The following SLC38A6 variants were observed in gnomAD, a reference collection of about 807,000 sequenced individuals.
SLC38A6 encodes N system amino acid transporter NAT-1.
SLC38A6 carries 73 observed loss-of-function variants against 65.0 expected under a neutral mutation model. The observed-to-expected ratio is 1.12, with a 90% confidence interval of 0.93 to 1.37. SLC38A6 has a LOEUF of 1.37. SLC38A6 is among the 40% of genes most tolerant of loss of function. The pLI, the probability that SLC38A6 is intolerant of heterozygous loss-of-function variation, is 0.00. For synonymous variants in SLC38A6, 183 were observed against 178.8 expected (o/e 1.02, Z -0.19); for missense variants, 561 against 531.1 (o/e 1.06, Z -0.55).
intron 15 of SLC38A6, among the ~76,000 whole-genome samples, chr14:61,067,821 C>T (rs2043080363): frequency 6.6e-6 from 1 of 152,040 alleles, no homozygotes; most frequent in Non-Finnish European, 1.5e-5. Context: ...ACCACTTAAG[C>T]AGTTGAGATC....
At chr14:60,988,530 C>T (rs1381809965) in intron 3 of SLC38A6, among the ~76,000 whole-genome samples, 1 of 152,138 alleles carries the variant, frequency 6.6e-6, no homozygotes, top group Non-Finnish European at 1.5e-5. Context: ...CCTACACTGG[C>T]CACTTATTTT....
chr14:61,073,445 G>A (rs764829750), intron 15 of SLC38A6, among the ~76,000 whole-genome samples: 3 of 151,966 alleles, frequency 2.0e-5, no homozygotes, highest in Non-Finnish European at 4.4e-5. Flanking sequence ...CGTGAGTTTT[G>A]GGGGGAACAA....
At chr14:61,021,913 T>C (rs976783319) in intron 5 of SLC38A6, among the ~76,000 whole-genome samples, 1 of 152,180 alleles carries the variant, frequency 6.6e-6, no homozygotes. Context: ...GAACACTAGA[T>C]TGGAAGTCAG....
chr14:61,006,514 G>A (rs1301519057), intron 3 of SLC38A6, among the ~76,000 whole-genome samples: 1 of 152,170 alleles, frequency 6.6e-6, no homozygotes, highest in African/African-American at 2.4e-5. Flanking sequence ...AGTGGGCGAA[G>A]GACATGAACA....
At position 61,043,489 on chromosome 14, in the gene SLC38A6, C is replaced by G. The variant is rs2041937247; in HGVS notation, c.730C>G (p.His244Asp). ...AGATGATTGTAAGCCAAAGCTCTTTCATTTCTCCAAAGAGGTGTGTAAGTT... is the reference window on the plus strand; with the variant it reads ...AGATGATTGTAAGCCAAAGCTCTTTGATTTCTCCAAAGAGGTGTGTAAGTT... ...VTDDCKPKLF[H>D]FSKESAYALP... Residue 244 changes from histidine to aspartate, a missense_variant, in exon 10 of 16, where the codon CAT becomes GAT. By Grantham distance (81) the His-to-Asp change is moderately conservative. Transcript: ENST00000267488. 6.2e-7 allele frequency: 1 copy of G among 1,607,406 alleles called. No homozygotes were observed. The highest frequency in any genetic ancestry group is 8.5e-7 in the Non-Finnish European group (1 of 1,176,786).
chr14:61,040,465 G>A (rs905450322), intron 8 of SLC38A6, among the ~76,000 whole-genome samples: 9 of 151,052 alleles, frequency 6.0e-5, no homozygotes, highest in East Asian at 1.9e-4. Flanking sequence ...TCAGCCTCAC[G>A]AGTAGCTGGA....
intron 15 of SLC38A6, among the ~76,000 whole-genome samples, chr14:61,061,351 G>A (rs1340276936): frequency 6.6e-6 from 1 of 152,116 alleles, no homozygotes. Flanking sequence ...TTTTGTTGAG[G>A]ATTTTTGCAT....
chr14:60,983,544 C>T (rs553845052), intron 2 of SLC38A6, among the ~76,000 whole-genome samples: 2 of 152,226 alleles, frequency 1.3e-5, no homozygotes, highest in Admixed American at 6.5e-5. Context: ...CACCACATGG[C>T]TAATAGAATG....
chr14:61,062,340 G>T (rs764915900), intron 15 of SLC38A6, among the ~76,000 whole-genome samples: 3 of 152,184 alleles, frequency 2.0e-5, no homozygotes, highest in African/African-American at 7.2e-5. Context: ...GGTGGTGTCA[G>T]TGTTTTAGAT....
chr14:61,029,360 T>A (rs1741565373), intron 5 of SLC38A6, among the ~76,000 whole-genome samples: 1 of 152,100 alleles, frequency 6.6e-6, no homozygotes, highest in Non-Finnish European at 1.5e-5. Flanking sequence ...TTTCACCATG[T>A]TGGCCAGGCT....
At chr14:61,024,510 A>T (rs2139613956) in intron 5 of SLC38A6, among the ~76,000 whole-genome samples, 1 of 152,346 alleles carries the variant, frequency 6.6e-6, no homozygotes, top group East Asian at 1.9e-4. Context: ...TAATGCTGTT[A>T]TAGGGGACAA....
At chr14:61,074,679 TTCCCTCCCTCCCTCCC>T (rs67230998) in intron 15 of SLC38A6, among the ~76,000 whole-genome samples, 21 of 135,268 alleles carry the variant, frequency 1.6e-4, no homozygotes, top group South Asian at 2.3e-4. Context: ...AAGCCTATTA[TTCCCTCCCTCCCTCCC>T]TCCCTCCCTC....
At chr14:61,045,746 C>T (rs1314016552) in intron 11 of SLC38A6, among the ~76,000 whole-genome samples, 2 of 151,842 alleles carry the variant, frequency 1.3e-5, no homozygotes, top group Non-Finnish European at 2.9e-5. Context: ...AATAGCCGGA[C>T]GTGGTGGCGG....
chr14:61,008,201 A>G (rs1387357929), intron 3 of SLC38A6, among the ~76,000 whole-genome samples: 2 of 152,312 alleles, frequency 1.3e-5, no homozygotes, highest in East Asian at 1.9e-4. Flanking sequence ...GGGCTGTATC[A>G]TTCATGAAGT....
chr14:61,051,959 A>G (rs200132877), intron 14 of SLC38A6, 28 bp downstream of exon 14: 6 of 1,603,670 alleles, frequency 3.7e-6, no homozygotes, highest in East Asian at 2.2e-5. Flanking sequence ...AAAAGTTCAC[A>G]TAATAAAATT....
In SLC38A6 at chr14:60,998,793, C is replaced by T. The variant is rs573300986; in HGVS notation, c.310+13990C>T. Among the ~76,000 whole-genome samples the T allele has an allele frequency of 2.0e-5, 3 of 152,316 alleles. No individual in the cohort carries two copies. In the East Asian group the frequency reaches 5.8e-4, roughly 29 times the overall value. On this transcript the variant is annotated intron_variant, in intron 3 of 15. Transcript: ENST00000267488. ...CCTACACCTGCCGGTCTGCGAGCTC[C>T]GCCTCCTGTAAGGGGTTTGAGAGTG...
At chr14:60,998,172 G>A (rs2038425598) in intron 3 of SLC38A6, among the ~76,000 whole-genome samples, 1 of 151,738 alleles carries the variant, frequency 6.6e-6, no homozygotes, top group African/African-American at 2.4e-5. Context: ...CTGGGTAGAA[G>A]AGGGTGGTTC....
rs542260292 is a variant in SLC38A6, at chr14:61,052,119, C to T, written c.1274C>T (p.Ser425Leu). Reference protein sequence around the residue: ...YLKLSREDFLSWKKLGAFVLL... With the variant: ...YLKLSREDFLLWKKLGAFVLL... Reference sequence around the variant, plus strand: ...AAACTTAGCAGAGAGGATTTTCTGTCATGGAAAAAGCTTGGGGTAGGTTGT... The same window carrying T: ...AAACTTAGCAGAGAGGATTTTCTGTTATGGAAAAAGCTTGGGGTAGGTTGT... Residue 425 changes from serine (S) to leucine (L), a missense_variant, in exon 15 of 16, where the codon TCA becomes TTA. Coordinates refer to ENST00000267488, the MANE Select transcript of SLC38A6 (RefSeq NM_153811.3). 9.9e-5 allele frequency: 154 copies of T among 1,562,400 alleles called. 2 individuals carry two copies. In the South Asian group the frequency reaches 1.6e-3, roughly 16 times the overall value.
intron 15 of SLC38A6, among the ~76,000 whole-genome samples, chr14:61,077,557 G>C (rs1464329345): frequency 6.6e-6 from 1 of 152,128 alleles, no homozygotes. Flanking sequence ...AGTCAGTAAG[G>C]ATTATACCAT....
Sources: gnomAD v4.1 joint callset for allele counts (sites outside exome capture counted in the v4.1 genomes callset) on GRCh38, gnomAD v4.1.1 for gene constraint, MANE v1.5 for transcripts, NCBI Gene and HGNC (gene_info 2026-07-23, HGNC 2026-07-21) for gene names.